Variants in SYN3 observed in about 807,000 individuals in gnomAD.
SYN3 encodes the protein synapsin III.
A neutral mutation model predicts 65.8 loss-of-function variants in SYN3; 35 were observed. That is an observed-to-expected ratio of 0.53 (90% CI 0.41 to 0.70). SYN3 has a LOEUF of 0.70. Among genes scored for constraint, SYN3 ranks in the 30% least tolerant of loss-of-function variants. The pLI, the probability that SYN3 is intolerant of heterozygous loss-of-function variation, is 0.00. For missense variants in SYN3, 680 were observed against 749.0 expected, an observed-to-expected ratio of 0.91 and a Z score of 1.08; for synonymous variants, 270 against 292.9, an observed-to-expected ratio of 0.92 and a Z score of 0.80.
At chr22:32,969,640 C>A (rs2051958114) in intron 3 of SYN3, among the ~76,000 whole-genome samples, 1 of 152,142 alleles carries the variant, frequency 6.6e-6, no homozygotes, top group South Asian at 2.1e-4. Context: ...CTTTGGACTC[C>A]AACAATAATT....
At chr22:32,940,596 T>G (rs1311774812) in intron 3 of SYN3, among the ~76,000 whole-genome samples, 1 of 152,222 alleles carries the variant, frequency 6.6e-6, no homozygotes, top group Non-Finnish European at 1.5e-5. Flanking sequence ...ATTCATATAC[T>G]TTGGTACCAT....
At chr22:32,605,084 T>C (rs2059353393) in intron 6 of SYN3, among the ~76,000 whole-genome samples, 1 of 151,896 alleles carries the variant, frequency 6.6e-6, no homozygotes, top group South Asian at 2.1e-4. Context: ...ATAGGTGGTC[T>C]GAGGACAGGA....
At chr22:32,967,575 A>G (rs2051885091) in intron 3 of SYN3, among the ~76,000 whole-genome samples, 1 of 152,238 alleles carries the variant, frequency 6.6e-6, no homozygotes, top group Non-Finnish European at 1.5e-5. Context: ...ATTAGTTTCC[A>G]GTTTAGCATA....
At chr22:32,686,322 C>T (rs2060587745) in intron 6 of SYN3, among the ~76,000 whole-genome samples, 1 of 150,944 alleles carries the variant, frequency 6.6e-6, no homozygotes, top group African/African-American at 2.4e-5. Flanking sequence ...ACAGCTGCCA[C>T]TCAACTCTGC....
chr22:32,859,701 A>C (rs965346528), intron 6 of SYN3: 9 of 325,700 alleles, frequency 2.8e-5, no homozygotes, highest in African/African-American at 8.6e-5. Flanking sequence ...AAAAATGAAA[A>C]ACTACTCCAT....
At chr22:32,741,263 G>T (rs2061401449) in intron 6 of SYN3, among the ~76,000 whole-genome samples, 1 of 151,892 alleles carries the variant, frequency 6.6e-6, no homozygotes, top group Non-Finnish European at 1.5e-5. Context: ...TACAGACGAG[G>T]GAACTGAGGC....
chr22:32,812,812 G>C (rs970150064), intron 6 of SYN3, among the ~76,000 whole-genome samples: 2 of 152,190 alleles, frequency 1.3e-5, no homozygotes, highest in African/African-American at 4.8e-5. Flanking sequence ...GTCACTATCT[G>C]CTCCCCTGAC....
At chr22:32,894,156 G>A (rs2049526079) in intron 4 of SYN3, among the ~76,000 whole-genome samples, 1 of 151,838 alleles carries the variant, frequency 6.6e-6, no homozygotes, top group Non-Finnish European at 1.5e-5. Context: ...TAAACTGAGA[G>A]CAAGGGCCTG....
At chr22:33,010,482 G>C (rs1432784023) in intron 1 of SYN3, among the ~76,000 whole-genome samples, 3 of 152,158 alleles carry the variant, frequency 2.0e-5, no homozygotes, top group Non-Finnish European at 4.4e-5. Context: ...CCAATTGGCT[G>C]TACATGTGTG....
At chr22:32,673,860 A>G (rs2060405002) in intron 6 of SYN3, among the ~76,000 whole-genome samples, 1 of 152,168 alleles carries the variant, frequency 6.6e-6, no homozygotes, top group Non-Finnish European at 1.5e-5. Context: ...TGTGCAGGAC[A>G]GTGCTGAGGA....
intron 6 of SYN3, among the ~76,000 whole-genome samples, chr22:32,618,210 A>G (rs189844962): frequency 6.6e-6 from 1 of 152,294 alleles, no homozygotes; most frequent in Admixed American, 6.5e-5. Context: ...GTCGTAGAGT[A>G]GCCCCTCAAT....
intron 6 of SYN3, among the ~76,000 whole-genome samples, chr22:32,687,366 G>A (rs927124705): frequency 6.4e-4 from 96 of 151,002 alleles, no homozygotes; most frequent in Admixed American, 1.4e-3. Flanking sequence ...GTTTCACCAT[G>A]TTCGCCAGGC....
chr22:32,916,100 G>C (rs1226564672), intron 4 of SYN3, among the ~76,000 whole-genome samples: 3 of 152,216 alleles, frequency 2.0e-5, no homozygotes, highest in African/African-American at 7.2e-5. Flanking sequence ...TGACTATGCT[G>C]AGACCACATG....
At chr22:33,009,757 C>G (rs2053302147) in intron 1 of SYN3, among the ~76,000 whole-genome samples, 1 of 68,974 alleles carries the variant, frequency 1.4e-5, no homozygotes, top group Non-Finnish European at 3.3e-5. Context: ...TCTAAACACA[C>G]ACACACACAC....
intron 6 of SYN3, among the ~76,000 whole-genome samples, chr22:32,639,024 G>A (rs1394082337): frequency 6.6e-6 from 1 of 152,120 alleles, no homozygotes; most frequent in South Asian, 2.1e-4. Flanking sequence ...CGCGATCTCA[G>A]CTCACTGCAA....
At chr22:32,593,147 G>A (rs1249527020) in intron 7 of SYN3, among the ~76,000 whole-genome samples, 1 of 152,092 alleles carries the variant, frequency 6.6e-6, no homozygotes, top group Non-Finnish European at 1.5e-5. Flanking sequence ...CAACTTGGTC[G>A]AGACTGTTAC....
At chr22:32,585,867 C>T (rs368889990) in intron 7 of SYN3, among the ~76,000 whole-genome samples, 5 of 150,566 alleles carry the variant, frequency 3.3e-5, no homozygotes, top group East Asian at 3.9e-4. Flanking sequence ...TGTATATATA[C>T]GTATATAGAC....
chr22:32,635,563 C>T (rs1027863039), intron 6 of SYN3, among the ~76,000 whole-genome samples: 1 of 152,188 alleles, frequency 6.6e-6, no homozygotes, highest in Non-Finnish European at 1.5e-5. Flanking sequence ...AAATATTTCA[C>T]AGATGCTTTC....
chr22:32,801,870 G>A lies in SYN3; in HGVS notation c.711+63045C>T. On this transcript the variant is annotated intron_variant, in intron 6 of 13. Coordinates refer to ENST00000358763, the MANE Select transcript of SYN3 (RefSeq NM_003490.4). The surrounding 1 kb of genome is among the most constrained non-coding windows in gnomAD (Gnocchi z 4.7). ...TCCCGCCGGGCACTCGGAGGGCAGCGCGCCGGAGGCCAAGGTTGCCCCGCA... is the reference window on the plus strand; with the variant it reads ...TCCCGCCGGGCACTCGGAGGGCAGCACGCCGGAGGCCAAGGTTGCCCCGCA... 8.5e-7 allele frequency: 1 copy of A among 1,171,368 alleles called. No homozygotes were observed. The highest frequency in any genetic ancestry group is 1.1e-6 in the Non-Finnish European group (1 of 928,958). 72.6% of individuals were successfully genotyped at this position (1,171,368 alleles called of 1,614,324 possible).
Sources: allele counts gnomAD v4.1 joint callset (sites outside exome capture counted in the v4.1 genomes callset), GRCh38; gene constraint gnomAD v4.1.1; non-coding constraint Gnocchi (gnomAD v3.1); transcripts MANE v1.5; gene names NCBI Gene and HGNC (gene_info 2026-07-23, HGNC 2026-07-21).